MDM2: variants seen among roughly 807,000 people sequenced by gnomAD.
MDM2 encodes the protein E3 ubiquitin-protein ligase Mdm2.
Under a neutral mutation model 64.3 loss-of-function variants are expected in MDM2, and 11 were observed. The ratio of observed to expected loss-of-function variants is 0.17; its 90% CI spans 0.11 to 0.28. The LOEUF is 0.28. Ranked by LOEUF, MDM2 falls within the 10% of genes least tolerant of loss-of-function variation. The probability of loss-of-function intolerance (pLI) is 1.00; values close to 1 mark genes in which losing one functional copy is unlikely to be tolerated. For synonymous variants in MDM2, 194 were observed against 192.9 expected (o/e 1.01, Z -0.05); for missense variants, 388 against 577.1 (o/e 0.67, Z 3.36).
chr12:68,836,943 C>T (rs1249221227), intron 10 of MDM2, among the ~76,000 whole-genome samples, 194 bp downstream of exon 10: 1 of 145,392 alleles, frequency 6.9e-6, no homozygotes, highest in African/African-American at 2.5e-5. Flanking sequence ...TTTTTAGGTG[C>T]TGGAATTTGA....
At chr12:68,828,023 T>A in intron 7 of MDM2, 1 of 152,132 alleles carries the variant, frequency 6.6e-6, no homozygotes, top group East Asian at 1.9e-4. Flanking sequence ...CCCAGCTACT[T>A]GGAAGCTGAA....
chr12:68,810,125 A>G (rs1037765421), intron 2 of MDM2, among the ~76,000 whole-genome samples: 2 of 152,128 alleles, frequency 1.3e-5, no homozygotes, highest in African/African-American at 4.8e-5. Flanking sequence ...TAGCCTGGCC[A>G]ACATGGTGAA....
chr12:68,845,260 A>G lies in MDM2; in HGVS notation c.*5411A>G, dbSNP rs1430439632. On this transcript the variant is annotated 3_prime_UTR_variant, in exon 11 of 11. Coordinates refer to ENST00000258149, the MANE Select transcript of MDM2 (RefSeq NM_002392.6). ...AAATTGTTTAAAAGTTTGTGATCATATTGTCTACCATGTAGCCAGCTTTCA... is the reference window on the plus strand; with the variant it reads ...AAATTGTTTAAAAGTTTGTGATCATGTTGTCTACCATGTAGCCAGCTTTCA... 4.7e-6 allele frequency: 1 copy of G among 214,868 alleles called. No individual in the cohort carries two copies. Among genetic ancestry groups the G allele is most frequent in the Non-Finnish European group, 9.4e-6 (1 of 106,710 alleles). 13.3% of individuals were successfully genotyped at this position (214,868 alleles called of 1,614,324 possible). A position where few individuals can be genotyped will look rare whatever the true frequency, so the allele number is the denominator to read the frequency against.
chr12:68,827,033 C>T (rs1013042376), intron 7 of MDM2, among the ~76,000 whole-genome samples: 1 of 152,046 alleles, frequency 6.6e-6, no homozygotes, highest in African/African-American at 2.4e-5. Flanking sequence ...AAAAAATTAG[C>T]CGGGCACAGT....
chr12:68,827,221 A>G (rs145228106), intron 7 of MDM2, among the ~76,000 whole-genome samples: 132 of 152,228 alleles, frequency 8.7e-4, no homozygotes, highest in African/African-American at 3.0e-3. Context: ...CTGTGATACT[A>G]TCTCATTTTA....
At chr12:68,833,318 A>T (rs7961639) in intron 8 of MDM2, among the ~76,000 whole-genome samples, 83,171 of 95,848 alleles carry the variant, frequency 0.87, 37,197 homozygotes, top group South Asian at 0.95. Context: ...TAAAAATATA[A>T]TTATATAAAT....
Position 68,821,228 on chromosome 12 carries a change from A to G in MDM2, c.358+854A>G, listed in dbSNP as rs551866771. ...ACGCCCGGCTAATTTTTGTATTTTT[A>G]GTAGAGAGGGGGTTTCAGCATGTTG... is the stretch of plus-strand genomic sequence containing the variant. On this transcript the variant is annotated intron_variant, in intron 5 of 10. Coordinates refer to ENST00000258149, the MANE Select transcript of MDM2 (RefSeq NM_002392.6). Among the ~76,000 whole-genome samples, 5 of 151,770 alleles carry G rather than the reference A, an allele frequency of 3.3e-5. No homozygotes were observed. In the South Asian group the frequency reaches 1.0e-3, roughly 32 times the overall value.
chr12:68,832,212 A>G (rs1592593399), intron 8 of MDM2, among the ~76,000 whole-genome samples: 1 of 152,006 alleles, frequency 6.6e-6, no homozygotes, highest in African/African-American at 2.4e-5. Flanking sequence ...ATCATTCACC[A>G]GTTTGTGAAG....
intron 3 of MDM2, among the ~76,000 whole-genome samples, chr12:68,816,151 A>T (rs1881350063): frequency 6.6e-6 from 1 of 152,182 alleles, no homozygotes; most frequent in East Asian, 1.9e-4. Context: ...GACCACTGCC[A>T]TATTTTAGTT....
intron 4 of MDM2, among the ~76,000 whole-genome samples, chr12:68,818,963 T>C (rs202101370): frequency 1.3e-5 from 2 of 151,926 alleles, no homozygotes; most frequent in South Asian, 4.1e-4. Context: ...AACTCCTGAC[T>C]TCAAGTGATC....
intron 8 of MDM2, among the ~76,000 whole-genome samples, chr12:68,829,394 A>C (rs1434615234): frequency 6.6e-6 from 1 of 152,264 alleles, no homozygotes; most frequent in East Asian, 1.9e-4. Context: ...TCAGCAAAAA[A>C]GTCAGCATAG....
At chr12:68,849,320 C>T (rs1012700098), downstream of MDM2, 1 of 151,966 alleles carries the variant, frequency 6.6e-6, no homozygotes, top group African/African-American at 2.4e-5. Flanking sequence ...GAACTCCTGA[C>T]CTCAGGTGAC....
chr12:68,824,258 T>G (rs2291857), intron 5 of MDM2, 105 bp from the exon 6 acceptor site: 304,566 of 698,556 alleles, frequency 0.44, 69,608 homozygotes, highest in East Asian at 0.67. Context: ...ATTGAAAGGT[T>G]AAATTGCATA....
At chr12:68,833,271 ATTT>A (rs1364496654) in intron 8 of MDM2, among the ~76,000 whole-genome samples, 6 of 108,882 alleles carry the variant, frequency 5.5e-5, no homozygotes, top group African/African-American at 2.0e-4. Context: ...ATAATTATAT[ATTT>A]ATATAAATAT....
chr12:68,839,025 A>G (rs1409688464), intron 10 of MDM2, among the ~76,000 whole-genome samples: 1 of 152,224 alleles, frequency 6.6e-6, no homozygotes, highest in East Asian at 1.9e-4. Context: ...TATCTTGAAT[A>G]GTTAACCTTT....
rs946060783 is a variant in MDM2 at position 68,840,371 on chromosome 12, C to T, written c.*522C>T. On this transcript the variant is annotated 3_prime_UTR_variant, in exon 11 of 11. Coordinates refer to ENST00000258149, the MANE Select transcript of MDM2 (RefSeq NM_002392.6). Reference sequence around the variant, plus strand: ...GTGTTAGCCAGGATGGTCTCGATCTCCTGACCTCGTGATCCGCCCACCTCG... The same window carrying T: ...GTGTTAGCCAGGATGGTCTCGATCTTCTGACCTCGTGATCCGCCCACCTCG... The T allele has an allele frequency of 1.1e-4, 19 of 169,812 alleles. No individual in the cohort carries two copies. Among genetic ancestry groups the T allele is most frequent in the Non-Finnish European group, 1.5e-4 (12 of 78,422 alleles). The allele number at this position is 169,812 out of a possible 1,614,324, so 10.5% of individuals were successfully genotyped here.
chr12:68,840,758 C>T lies in MDM2; in HGVS notation c.*909C>T, dbSNP rs189065553. 14 of 165,448 alleles carry T rather than the reference C, an allele frequency of 8.5e-5. No individual in the cohort carries two copies. The highest frequency in any genetic ancestry group is 1.6e-4 in the Non-Finnish European group (12 of 76,340). The allele number at this position is 165,448 out of a possible 1,614,324, so 10.2% of individuals were successfully genotyped here. On this transcript the variant is annotated 3_prime_UTR_variant, in exon 11 of 11. Transcript: ENST00000258149. The stretch of plus-strand genomic sequence containing the variant: ...TGACCTCAAGTGAGGTCACCCGCCT[C>T]GGCCTCCCGAAGTGCTGGGATTGCA...
chr12:68,839,215 CCTGTGA>C (rs1883546064), intron 10 of MDM2, 53 bp from the exon 11 acceptor site: 1 of 1,506,380 alleles, frequency 6.6e-7, no homozygotes, highest in African/African-American at 1.4e-5. Context: ...TGCTAGCATT[CCTGTGA>C]CTGAGCAGTT....
Position 68,842,768 on chromosome 12 carries a change from T to C in MDM2, c.*2919T>C, listed in dbSNP as rs1883897923. The C allele has an allele frequency of 5.2e-6, 1 of 192,858 alleles. No individual in the cohort carries two copies. 11.9% of individuals were successfully genotyped at this position (192,858 alleles called of 1,614,324 possible). A position where few individuals can be genotyped will look rare whatever the true frequency, so the allele number is the denominator to read the frequency against. On this transcript the variant is annotated 3_prime_UTR_variant, in exon 11 of 11. Coordinates refer to ENST00000258149, the MANE Select transcript of MDM2 (RefSeq NM_002392.6). ...AGGGAGGATATAAGGAACCAACAGT[T>C]TGTATGAAAATAGCTCAAATAATAT...
Sources: allele counts gnomAD v4.1 joint callset (sites outside exome capture counted in the v4.1 genomes callset), GRCh38; gene constraint gnomAD v4.1.1; transcripts MANE v1.5; gene names NCBI Gene and HGNC (gene_info 2026-07-23, HGNC 2026-07-21).